Variants in NRDE2 observed in about 807,000 individuals in gnomAD.
NRDE2 encodes nuclear exosome regulator NRDE2.
Under a neutral mutation model 124.2 loss-of-function variants are expected in NRDE2, and 76 were observed. The ratio of observed to expected loss-of-function variants is 0.61; its 90% CI spans 0.51 to 0.74. NRDE2 has a LOEUF of 0.74. Ranked by LOEUF, NRDE2 falls within the 30% of genes least tolerant of loss-of-function variation. NRDE2 has a pLI of 0.00. For missense variants in NRDE2, 1,314 were observed against 1,417.3 expected (o/e 0.93, Z 1.17); for synonymous variants, 489 against 528.1 (o/e 0.93, Z 1.01).
chr14:90,305,240 C>G (rs938931839), intron 4 of NRDE2, among the ~76,000 whole-genome samples: 4 of 152,036 alleles, frequency 2.6e-5, no homozygotes, highest in African/African-American at 9.7e-5. Context: ...CCAACTAGAA[C>G]AGTGTTAATA....
At chr14:90,309,294 T>C (rs1884736193) in intron 4 of NRDE2, among the ~76,000 whole-genome samples, 1 of 150,702 alleles carries the variant, frequency 6.6e-6, no homozygotes, top group Admixed American at 6.6e-5. Flanking sequence ...TTTGGGCGAA[T>C]TTTAGTGGCA....
intron 1 of NRDE2, among the ~76,000 whole-genome samples, 155 bp from the exon 2 acceptor site, chr14:90,318,268 A>G (rs74080912): frequency 0.094 from 14,293 of 152,280 alleles, 767 homozygotes; most frequent in East Asian, 0.21. Context: ...AGCTGAACAG[A>G]ATCCATGAAA....
At chr14:90,297,833 C>G (rs983839710) in intron 8 of NRDE2, among the ~76,000 whole-genome samples, 2 of 151,614 alleles carry the variant, frequency 1.3e-5, no homozygotes, top group Non-Finnish European at 2.9e-5. Flanking sequence ...CCCAGCTACT[C>G]AGGAGCCTGA....
rs375723190 is a variant in NRDE2, at chr14:90,292,864, C to T, written c.1675G>A (p.Asp559Asn). ...TGGTCATCCTCTTCTGGTTCATCGTCATCCTCATCTAGACAAGAATGAGAC... is the reference window on the plus strand; with the variant it reads ...TGGTCATCCTCTTCTGGTTCATCGTTATCCTCATCTAGACAAGAATGAGAC... ...GWVVINPDED[D>N]DEPEEDDQEI... is the part of the protein sequence containing the mutation. The change falls in exon 9 of 14, where the codon GAC becomes AAC. Residue 559 changes from aspartate to asparagine, a missense_variant. Asp to Asn is a conservative substitution (Grantham distance 23, BLOSUM62 1). Coordinates refer to ENST00000354366, the MANE Select transcript of NRDE2 (RefSeq NM_017970.4). The T allele has an allele frequency of 4.3e-5, 69 of 1,613,664 alleles. No homozygotes were observed. The African/African-American group carries it at 7.9e-4, about 18-fold the overall frequency.
In NRDE2 at chr14:90,277,496, A is replaced by T. The variant is rs1162314952; in HGVS notation, c.*840T>A. On this transcript the variant is annotated 3_prime_UTR_variant, in exon 14 of 14. Transcript: ENST00000354366. ...TCTGAAAAATGGATGTTGACATTTC[A>T]TTCTGTTCACAGCCCTCGAATGCAA... The T allele has an allele frequency of 6.6e-6, 1 of 152,266 alleles. No individual in the cohort carries two copies. Among genetic ancestry groups the T allele is most frequent in the African/African-American group, 2.4e-5 (1 of 41,466 alleles). 9.4% of individuals were successfully genotyped at this position (152,266 alleles called of 1,614,324 possible).
At chr14:90,288,145 C>G (rs1162652103) in intron 11 of NRDE2, 72 bp downstream of exon 11, 1 of 1,413,960 alleles carries the variant, frequency 7.1e-7, no homozygotes, top group Non-Finnish European at 9.8e-7. Flanking sequence ...TGAGACCCAG[C>G]AAGGTCAGGG....
chr14:90,329,579 G>A (rs1416615933), intron 1 of NRDE2, among the ~76,000 whole-genome samples: 1 of 152,036 alleles, frequency 6.6e-6, no homozygotes, highest in Non-Finnish European at 1.5e-5. Flanking sequence ...GCTCACACCT[G>A]TAATCCCAGC....
At chr14:90,308,444 C>T (rs1009451824) in intron 4 of NRDE2, among the ~76,000 whole-genome samples, 7 of 152,268 alleles carry the variant, frequency 4.6e-5, no homozygotes, top group East Asian at 3.9e-4. Flanking sequence ...CTGGTTCTAA[C>T]TTCACAAGTC....
intron 12 of NRDE2, among the ~76,000 whole-genome samples, chr14:90,281,879 C>T (rs549303395): frequency 6.6e-6 from 1 of 152,288 alleles, no homozygotes; most frequent in African/African-American, 2.4e-5. Flanking sequence ...TGGTTTATCT[C>T]TGATAGAACT....
At chr14:90,290,024 T>C (rs1440762176) in intron 10 of NRDE2, among the ~76,000 whole-genome samples, 197 bp downstream of exon 10, 1 of 152,218 alleles carries the variant, frequency 6.6e-6, no homozygotes, top group Admixed American at 6.5e-5. Context: ...TGAGGTAGCC[T>C]GACTCGTTCC....
In NRDE2 at chr14:90,278,251, A is replaced by C. The variant is rs755390607; in HGVS notation, c.*85T>G. On this transcript the variant is annotated 3_prime_UTR_variant, in exon 14 of 14. Transcript: ENST00000354366. ...ACATTTCAAAAGCCGAGTTCTCCTA[A>C]CACACACGTTCTCTGCTCGCGCCTC... The C allele has an allele frequency of 1.3e-4, 198 of 1,528,140 alleles. No individual in the cohort carries two copies. The highest frequency in any genetic ancestry group is 1.7e-4 in the Admixed American group (10 of 57,584). 94.7% of individuals were successfully genotyped at this position (1,528,140 alleles called of 1,614,324 possible).
At chr14:90,331,507 C>G (rs1430146583) in intron 1 of NRDE2, among the ~76,000 whole-genome samples, 1 of 152,200 alleles carries the variant, frequency 6.6e-6, no homozygotes, top group Non-Finnish European at 1.5e-5. Flanking sequence ...AGGGTTTCCT[C>G]GAGATGTCGA....
chr14:90,268,189 GTCTT>G lies in NRDE2; in HGVS notation c.*10143_*10146del. The G allele has an allele frequency of 1.5e-6, 2 of 1,346,602 alleles. No individual in the cohort carries two copies. The highest frequency in any genetic ancestry group is 2.5e-4 in the Middle Eastern group (1 of 3,970). 83.4% of individuals were successfully genotyped at this position (1,346,602 alleles called of 1,614,324 possible). A position where few individuals can be genotyped will look rare whatever the true frequency, so the allele number is the denominator to read the frequency against. On this transcript the variant is annotated 3_prime_UTR_variant, in exon 14 of 14. Coordinates refer to ENST00000354366, the MANE Select transcript of NRDE2 (RefSeq NM_017970.4). ...TTTAAGTTAAAATGGCACTTAAGGT[GTCTT>G]TTTTTTTTTTATCTTTTTCATCCAA...
At chr14:90,295,388 C>T (rs533385710) in intron 8 of NRDE2, among the ~76,000 whole-genome samples, 3 of 152,158 alleles carry the variant, frequency 2.0e-5, no homozygotes, top group East Asian at 1.9e-4. Context: ...TATTATTCCA[C>T]CAATATTCTG....
chr14:90,289,886 C>T (rs552090241), intron 10 of NRDE2, among the ~76,000 whole-genome samples: 20 of 152,344 alleles, frequency 1.3e-4, no homozygotes, highest in African/African-American at 4.1e-4. Context: ...CCGCGCCTGA[C>T]GCTGATCTAT....
In NRDE2 at chr14:90,304,156, C is replaced by G; in HGVS notation, c.784G>C (p.Ala262Pro). Residue 262 changes from alanine to proline, a missense_variant, in exon 5 of 14, where the codon GCG becomes CCG. Coordinates refer to ENST00000354366, the MANE Select transcript of NRDE2 (RefSeq NM_017970.4). ...SFIPVKDLED[A>P]APVTTWLNPL... ...TTCAACCAGGTTGTAACAGGAGCCG[C>G]ATCTTCCAAGTCCTTCACTGGTATA... The G allele has an allele frequency of 6.2e-7, 1 of 1,614,210 alleles. No individual in the cohort carries two copies. Among genetic ancestry groups the G allele is most frequent in the East Asian group, 2.2e-5 (1 of 44,884 alleles).
rs778390241 is a variant in NRDE2, at chr14:90,318,105, A to G, written c.73T>C (p.Trp25Arg). 1 of 1,612,856 alleles carries G rather than the reference A, an allele frequency of 6.2e-7. No homozygotes were observed. Among genetic ancestry groups the G allele is most frequent in the Non-Finnish European group, 8.5e-7 (1 of 1,179,366 alleles). ...ACACAAAAGCTTGGGTTGCTCAGCC[A>G]GTCTAACTCTGCACAGGCAAAAGGA... ...DGGSSRKELD[W>R]LSNPSFCVGS... The change falls in exon 2 of 14, where the codon TGG becomes CGG. Residue 25 changes from tryptophan (W) to arginine (R), a missense_variant. By Grantham distance (101) the Trp-to-Arg change is moderately radical. Transcript: ENST00000354366.
chr14:90,308,252 T>C (rs1217888030), intron 4 of NRDE2, among the ~76,000 whole-genome samples: 1 of 152,184 alleles, frequency 6.6e-6, no homozygotes, highest in Non-Finnish European at 1.5e-5. Context: ...ATATTAGTCT[T>C]AAGGAATTTT....
chr14:90,288,385 T>G lies in NRDE2; in HGVS notation c.2990A>C (p.Asn997Thr), dbSNP rs775219775. 6.2e-6 allele frequency: 10 copies of G among 1,614,166 alleles called. No individual in the cohort carries two copies. Among genetic ancestry groups the G allele is most frequent in the Non-Finnish European group, 8.5e-6 (10 of 1,180,040 alleles). Reference sequence around the variant, plus strand: ...TACATAGGACCTCCAAAGAACCTGGTTGCCTGGATACAACTTTAAAGCCTG... The same window carrying G: ...TACATAGGACCTCCAAAGAACCTGGGTGCCTGGATACAACTTTAAAGCCTG... ...LSQALKLYPG[N>T]QVLWRSYVQI... is the part of the protein sequence containing the mutation. Residue 997 changes from asparagine to threonine, a missense_variant, in exon 11 of 14, where the codon AAC becomes ACC. By Grantham distance (65) the Asn-to-Thr change is moderately conservative (BLOSUM62 0). Coordinates refer to ENST00000354366, the MANE Select transcript of NRDE2 (RefSeq NM_017970.4).
Sources: gnomAD v4.1 joint callset for allele counts (sites outside exome capture counted in the v4.1 genomes callset) on GRCh38, gnomAD v4.1.1 for gene constraint, MANE v1.5 for transcripts, NCBI Gene and HGNC (gene_info 2026-07-23, HGNC 2026-07-21) for gene names.